The following ST3GAL3 variants were observed in gnomAD, a reference collection of about 807,000 sequenced individuals.
The protein encoded by ST3GAL3 is ST3 beta-galactoside alpha-2,3-sialyltransferase 3.
In ST3GAL3, 21 loss-of-function variants were observed where a neutral mutation model predicts 50.1. That is an observed-to-expected ratio of 0.42 (90% CI 0.30 to 0.60). The LOEUF (loss-of-function observed/expected upper bound fraction) is 0.60, where lower values mean the gene tolerates loss of function less well. Ranked by LOEUF, ST3GAL3 falls within the 20% of genes least tolerant of loss-of-function variation. ST3GAL3 has a pLI of 0.19. For missense variants in ST3GAL3, 353 were observed against 489.4 expected (o/e 0.72, Z 2.63); for synonymous variants, 183 against 190.0 (o/e 0.96, Z 0.30).
At chr1:43,798,147 A>G (rs1573038951) in intron 3 of ST3GAL3, among the ~76,000 whole-genome samples, 2 of 151,568 alleles carry the variant, frequency 1.3e-5, no homozygotes. Context: ...CTCTTCCTTT[A>G]CCCTCTCCCC....
chr1:43,717,783 C>T (rs769218970), intron 1 of ST3GAL3, among the ~76,000 whole-genome samples: 3 of 151,900 alleles, frequency 2.0e-5, no homozygotes, highest in Non-Finnish European at 4.4e-5. Flanking sequence ...ATTGGGATTA[C>T]AGGCGTGAGC....
chr1:43,905,022 T>C (rs1272019281), intron 9 of ST3GAL3, among the ~76,000 whole-genome samples: 4 of 66,324 alleles, frequency 6.0e-5, no homozygotes, highest in Non-Finnish European at 1.2e-4. Context: ...CCCACCACTC[T>C]TCCTCCTCCT....
intron 11 of ST3GAL3, among the ~76,000 whole-genome samples, chr1:43,925,014 G>A (rs1341900588): frequency 1.3e-5 from 2 of 152,152 alleles, no homozygotes; most frequent in Admixed American, 6.5e-5. Context: ...TCTTGGCCGG[G>A]CACAGTAGCT....
At chr1:43,726,448 A>G (rs1672964435) in intron 1 of ST3GAL3, among the ~76,000 whole-genome samples, 1 of 152,022 alleles carries the variant, frequency 6.6e-6, no homozygotes, top group Non-Finnish European at 1.5e-5. Context: ...CACTATGCCC[A>G]GCTAATCTTA....
Position 43,746,685 on chromosome 1 carries a change from A to G in ST3GAL3, c.118+10305A>G, listed in dbSNP as rs561804946. Among the ~76,000 whole-genome samples the G allele has an allele frequency of 3.3e-3, 497 of 151,568 alleles. 2 individuals carry two copies. The highest frequency in any genetic ancestry group is 0.011 in the African/African-American group (472 of 41,282). ...CACCATGTTGGCCAGGATGGTCTCA[A>G]TCTCCTGACCTTGTGATTCACCTGC... On this transcript the variant is annotated intron_variant, in intron 2 of 11. Transcript: ENST00000347631.
intron 9 of ST3GAL3, among the ~76,000 whole-genome samples, chr1:43,906,561 G>A (rs1243345422): frequency 4.8e-5 from 4 of 83,856 alleles, no homozygotes; most frequent in Non-Finnish European, 8.9e-5. Context: ...TCCTCTTCCC[G>A]CCACTCTTCC....
At chr1:43,769,723 ATCCGGGAAAC>A (rs1345827745) in intron 2 of ST3GAL3, among the ~76,000 whole-genome samples, 1 of 152,212 alleles carries the variant, frequency 6.6e-6, no homozygotes, top group Non-Finnish European at 1.5e-5. Flanking sequence ...GTAATTAGTC[ATCCGGGAAAC>A]TACATAAGAA....
chr1:43,885,783 C>T (rs1379051195), intron 5 of ST3GAL3, among the ~76,000 whole-genome samples: 1 of 152,218 alleles, frequency 6.6e-6, no homozygotes, highest in East Asian at 1.9e-4. Flanking sequence ...GTCAAGCCAC[C>T]TCACAGGGGA....
In ST3GAL3 at chr1:43,755,032, G is replaced by C. The variant is rs551153588; in HGVS notation, c.118+18652G>C. On this transcript the variant is annotated intron_variant, in intron 2 of 11. Transcript: ENST00000347631. ...TTGTAGGCAAAAAGTTGATGAACTT[G>C]TTTAAATCTAATTTAAGGATTTTGT... Among the ~76,000 whole-genome samples, 6 of 152,250 alleles carry C rather than the reference G, an allele frequency of 3.9e-5. No individual in the cohort carries two copies. The South Asian group carries it at 1.2e-3, about 32-fold the overall frequency.
chr1:43,905,922 C>A (rs2079450015), intron 9 of ST3GAL3, among the ~76,000 whole-genome samples: 1 of 124,412 alleles, frequency 8.0e-6, no homozygotes, highest in South Asian at 3.2e-4. Flanking sequence ...CCTCTTCCCA[C>A]CACTCTTCCC....
Position 43,868,234 on chromosome 1 carries a change from G to A in ST3GAL3, c.303-26149G>A, listed in dbSNP as rs947511584. Among the ~76,000 whole-genome samples the A allele has an allele frequency of 4.0e-5, 6 of 151,366 alleles. No individual in the cohort carries two copies. The East Asian group carries it at 1.2e-3, about 29-fold the overall frequency. On this transcript the variant is annotated intron_variant, in intron 5 of 11. Transcript: ENST00000347631. ...TGCTCCCACAGTTTATTGTAAATTTGTTAAAAAGCAGGTTATGGGACACTA... is the reference window on the plus strand; with the variant it reads ...TGCTCCCACAGTTTATTGTAAATTTATTAAAAAGCAGGTTATGGGACACTA...
intron 5 of ST3GAL3, among the ~76,000 whole-genome samples, chr1:43,855,151 ACT>A (rs781611611): frequency 4.2e-4 from 64 of 152,224 alleles, no homozygotes; most frequent in Admixed American, 7.2e-4. Flanking sequence ...CTTACATTCC[ACT>A]GGCAGACACA....
At chr1:43,918,943 G>A (rs906126962) in intron 9 of ST3GAL3, among the ~76,000 whole-genome samples, 1 of 151,536 alleles carries the variant, frequency 6.6e-6, no homozygotes, top group Non-Finnish European at 1.5e-5. Context: ...TTTTTGTTAC[G>A]ATTGCAAATA....
At chr1:43,709,421 C>G (rs1168135799) in intron 1 of ST3GAL3, 1 of 152,050 alleles carries the variant, frequency 6.6e-6, no homozygotes, top group African/African-American at 2.4e-5. Context: ...CAGGGTCTCC[C>G]TCTGTCACCC....
chr1:43,870,717 G>A (rs2906458), intron 5 of ST3GAL3, among the ~76,000 whole-genome samples: 86,965 of 151,720 alleles, frequency 0.57, 28,904 homozygotes, highest in Non-Finnish European at 0.75. Flanking sequence ...AACTGTTCCC[G>A]GGAGAGCCTG....
At chr1:43,828,666 T>TA (rs1357947829) in intron 4 of ST3GAL3, among the ~76,000 whole-genome samples, 5 of 152,318 alleles carry the variant, frequency 3.3e-5, no homozygotes, top group African/African-American at 1.2e-4. Context: ...GTTTGCATTA[T>TA]ATGTCATTAA....
chr1:43,824,855 G>A (rs2062583024), intron 4 of ST3GAL3: 2 of 1,026,142 alleles, frequency 1.9e-6, no homozygotes, highest in Non-Finnish European at 3.1e-6. Flanking sequence ...ACTGAGCGAG[G>A]ACACAGCCTT....
intron 2 of ST3GAL3, among the ~76,000 whole-genome samples, chr1:43,754,013 T>C (rs1236712810): frequency 6.6e-6 from 1 of 152,200 alleles, no homozygotes; most frequent in African/African-American, 2.4e-5. Context: ...TGTACGTATA[T>C]GCACCAAAAT....
intron 4 of ST3GAL3, among the ~76,000 whole-genome samples, chr1:43,833,419 A>G (rs1217900612): frequency 6.6e-6 from 1 of 152,182 alleles, no homozygotes; most frequent in Non-Finnish European, 1.5e-5. Context: ...TGTCCTAGTC[A>G]TCATTGTATC....
Sources: allele counts gnomAD v4.1 joint callset (sites outside exome capture counted in the v4.1 genomes callset), GRCh38; gene constraint gnomAD v4.1.1; transcripts MANE v1.5; gene names NCBI Gene and HGNC (gene_info 2026-07-23, HGNC 2026-07-21).